FBXO41: variants seen among roughly 807,000 people sequenced by gnomAD.
FBXO41 encodes the protein F-box only protein 41.
In FBXO41, 33 loss-of-function variants were observed where a neutral mutation model predicts 81.6. That is an observed-to-expected ratio of 0.40 (90% CI 0.31 to 0.54). The LOEUF is 0.54. FBXO41 is among the 20% of genes least tolerant of loss of function. The pLI, the probability that FBXO41 is intolerant of heterozygous loss-of-function variation, is 0.39. For missense variants in FBXO41, 1,107 were observed against 1,236.0 expected (o/e 0.90, Z 1.56); for synonymous variants, 576 against 552.7 (o/e 1.04, Z -0.59).
At chr2:73,265,848 A>G (rs1188522798) in intron 4 of FBXO41, 45 bp downstream of exon 4, 1 of 1,549,110 alleles carries the variant, frequency 6.5e-7, no homozygotes, top group Admixed American at 1.9e-5. Context: ...GGATCCTTCC[A>G]GGGTGAGGGT....
Position 73,255,439 on chromosome 2 carries a change from T to C in FBXO41, c.*3543A>G, listed in dbSNP as rs1687770514. On this transcript the variant is annotated 3_prime_UTR_variant, in exon 13 of 13. Transcript: ENST00000520530. ...CAGAAATGCAGGCCGGGCACAAGGC[T>C]GGGTGAGAAAGCATGGCCACTGGGT... is the stretch of plus-strand genomic sequence containing the variant. The C allele has an allele frequency of 3.3e-5, 5 of 152,900 alleles. No individual in the cohort carries two copies. 9.5% of individuals were successfully genotyped at this position (152,900 alleles called of 1,614,324 possible).
chr2:73,263,624 G>C, intron 8 of FBXO41, 54 bp downstream of exon 8: 4 of 1,601,608 alleles, frequency 2.5e-6, no homozygotes, highest in Non-Finnish European at 3.4e-6. Flanking sequence ...CTAGGGATCC[G>C]GTAGGACCCT....
chr2:73,260,506 C>T lies in FBXO41; in HGVS notation c.2332G>A (p.Val778Met), dbSNP rs773407794. The change falls in exon 11 of 13, where the codon GTG (valine) becomes ATG (methionine). Residue 778 changes from valine (V) to methionine (M), a missense_variant. Physicochemically the swap from Val to Met is conservative, Grantham distance 21. Transcript: ENST00000520530. This position sits in a 1 kb window ranked among gnomAD's most constrained non-coding sequence, Gnocchi z 5.0. ...GCCACCTCCTGGGTGATCTCTGACACGTGGTCAAGCTCCAGGACCTGCAGC... is the reference window on the plus strand; with the variant it reads ...GCCACCTCCTGGGTGATCTCTGACATGTGGTCAAGCTCCAGGACCTGCAGC... ...MRLQVLELDH[V>M]SEITQEVAAE... 3.1e-6 allele frequency: 5 copies of T among 1,601,248 alleles called. 1 individual carries two copies. Among genetic ancestry groups the T allele is most frequent in the South Asian group, 2.3e-5 (2 of 88,578 alleles).
At chr2:73,275,868 C>T (rs1003641064) in intron 1 of FBXO41, among the ~76,000 whole-genome samples, 1 of 150,162 alleles carries the variant, frequency 6.7e-6, no homozygotes, top group Non-Finnish European at 1.5e-5. Context: ...CTCACTGCAA[C>T]CTCCACGCCC....
intron 1 of FBXO41, among the ~76,000 whole-genome samples, chr2:73,283,936 G>C (rs1482131231): frequency 6.6e-6 from 1 of 152,140 alleles, no homozygotes; most frequent in Non-Finnish European, 1.5e-5. Flanking sequence ...AGGCGAGAGG[G>C]GGGAGGGGAA....
Position 73,265,928 on chromosome 2 carries a change from A to T in FBXO41, c.1170T>A (p.Tyr390Ter). The T allele has an allele frequency of 6.3e-7, 1 of 1,588,328 alleles. No homozygotes were observed. Among genetic ancestry groups the T allele is most frequent in the Non-Finnish European group, 8.6e-7 (1 of 1,167,190 alleles). The change falls in exon 4 of 13, where the codon TAT (tyrosine) becomes TAA (stop). Residue 390 changes from tyrosine to a stop codon, truncating the protein, a stop_gained. Coordinates refer to ENST00000520530, the MANE Select transcript of FBXO41 (RefSeq NM_001371389.2). LOFTEE classifies it high-confidence loss of function. ...HHVGPAVPNT[Y>*]AVSRHGSSPS... ...GAGAGGAGCCATGCCGTGACACTGC[A>T]TATGTGTTAGGCACGGCCGGGCCCA...
intron 1 of FBXO41, among the ~76,000 whole-genome samples, chr2:73,276,591 AGAGAGAGAGAGAGG>A (rs1452098249): frequency 8.0e-5 from 11 of 137,956 alleles, no homozygotes; most frequent in African/African-American, 3.5e-4. Flanking sequence ...AGAGAGAGAG[AGAGAGAGAGAGAGG>A]GAGAGAGGGA....
Position 73,263,935 on chromosome 2 carries a change from C to A in FBXO41, c.1922+3G>T, listed in dbSNP as rs777042033. On this transcript the variant is annotated splice_donor_region_variant and intron_variant, in intron 7 of 12. Transcript: ENST00000520530. ...CCCACCACCCACCCATCGCAGGCCT[C>A]ACCGGGTGCTCCGGGCATACTCCTC... is the stretch of plus-strand genomic sequence containing the variant. The A allele has an allele frequency of 6.2e-7, 1 of 1,612,048 alleles. No individual in the cohort carries two copies. Among genetic ancestry groups the A allele is most frequent in the Non-Finnish European group, 8.5e-7 (1 of 1,178,980 alleles).
intron 1 of FBXO41, chr2:73,273,201 T>C (rs182613736): frequency 1.3e-4 from 20 of 152,314 alleles, no homozygotes; most frequent in Admixed American, 2.0e-4. Flanking sequence ...AGATGTTGAA[T>C]TGGGGATAGA....
At position 73,257,976 on chromosome 2, in the gene FBXO41, C is replaced by T. The variant is rs936569863; in HGVS notation, c.*1006G>A. On this transcript the variant is annotated 3_prime_UTR_variant, in exon 13 of 13. Transcript: ENST00000520530. This position sits in a 1 kb window ranked among gnomAD's most constrained non-coding sequence, Gnocchi z 4.6. ...TAGACAAGGAAGCAAAGCAAGCCAC[C>T]CTCCTCCTGGCTTCCTCCACGGCCT... 1 of 152,382 alleles carries T rather than the reference C, an allele frequency of 6.6e-6. No homozygotes were observed. Among genetic ancestry groups the T allele is most frequent in the Non-Finnish European group, 1.5e-5 (1 of 68,178 alleles). The allele number at this position is 152,382 out of a possible 1,614,324, so 9.4% of individuals were successfully genotyped here.
In FBXO41 at chr2:73,258,940, C is replaced by T. The variant is rs780991069; in HGVS notation, c.*42G>A. The stretch of plus-strand genomic sequence containing the variant: ...CCCTCTGAGGTCCAAAGAGAGTGCC[C>T]TGGTGTGGGGCTGGCAGGGGCCCTG... On this transcript the variant is annotated 3_prime_UTR_variant, in exon 13 of 13. Coordinates refer to ENST00000520530, the MANE Select transcript of FBXO41 (RefSeq NM_001371389.2). 4 of 1,539,632 alleles carry T rather than the reference C, an allele frequency of 2.6e-6. No homozygotes were observed. In the East Asian group the frequency reaches 7.3e-5, roughly 28 times the overall value.
intron 1 of FBXO41, chr2:73,271,187 T>C (rs1364127505): frequency 3.0e-6 from 1 of 332,270 alleles, no homozygotes; most frequent in African/African-American, 2.2e-5. Context: ...TTGTGTTGCC[T>C]TCTGGCATTT....
chr2:73,280,134 C>T (rs1228206877), intron 1 of FBXO41, among the ~76,000 whole-genome samples: 1 of 151,972 alleles, frequency 6.6e-6, no homozygotes, highest in African/African-American at 2.4e-5. Flanking sequence ...CCCCTCAACC[C>T]CAAAACGCCA....
chr2:73,283,999 C>T (rs1373004342), intron 1 of FBXO41, among the ~76,000 whole-genome samples, 161 bp downstream of exon 1: 2 of 152,248 alleles, frequency 1.3e-5, no homozygotes, highest in African/African-American at 4.8e-5. Context: ...CCCTTCCCTG[C>T]CTCTGGTCTG....
intron 1 of FBXO41, among the ~76,000 whole-genome samples, chr2:73,276,080 C>G (rs2103907395): frequency 6.6e-6 from 1 of 151,556 alleles, no homozygotes; most frequent in South Asian, 2.1e-4. Context: ...GCCACCACAC[C>G]TGGCCAAGAT....
At chr2:73,267,020 T>C (rs1373887066) in intron 2 of FBXO41, among the ~76,000 whole-genome samples, 3 of 152,116 alleles carry the variant, frequency 2.0e-5, no homozygotes, top group African/African-American at 4.8e-5. Context: ...CACACACATG[T>C]ACCCCATGTA....
intron 1 of FBXO41, among the ~76,000 whole-genome samples, chr2:73,274,030 CT>C (rs1160520185): frequency 1.3e-5 from 2 of 152,182 alleles, no homozygotes; most frequent in African/African-American, 4.8e-5. Context: ...ATGCTTTGTA[CT>C]CTTCCAGGCC....
chr2:73,265,595 A>G lies in FBXO41; in HGVS notation c.1251T>C (p.Tyr417=). 6.5e-7 allele frequency: 1 copy of G among 1,535,592 alleles called. No individual in the cohort carries two copies. The highest frequency in any genetic ancestry group is 8.7e-7 in the Non-Finnish European group (1 of 1,143,426). The stretch of plus-strand genomic sequence containing the variant: ...TGGGCAGCTCCAGACTGTCACTGTC[A>G]TAGCAGCCTGAGCTCTGGGATGCGG... The part of the protein sequence containing the change: ...VPAASQSSGC[Y]DSDSLELPRP... The change falls in exon 5 of 13, where the codon TAT becomes TAC. Residue 417 remains tyrosine (Y), a synonymous_variant. Transcript: ENST00000520530.
chr2:73,258,713 C>T lies in FBXO41; in HGVS notation c.*269G>A. 2 of 439,572 alleles carry T rather than the reference C, an allele frequency of 4.5e-6. No individual in the cohort carries two copies. The highest frequency in any genetic ancestry group is 8.0e-6 in the Non-Finnish European group (2 of 248,818). 27.2% of individuals were successfully genotyped at this position (439,572 alleles called of 1,614,324 possible). Reference sequence around the variant, plus strand: ...AGGCGCTGGTGGTGACAGCTCCTCACTGGCTGTGCCAGAGGCTACTCCAGC... The same window carrying T: ...AGGCGCTGGTGGTGACAGCTCCTCATTGGCTGTGCCAGAGGCTACTCCAGC... On this transcript the variant is annotated 3_prime_UTR_variant, in exon 13 of 13. Coordinates refer to ENST00000520530, the MANE Select transcript of FBXO41 (RefSeq NM_001371389.2).
Sources: allele counts gnomAD v4.1 joint callset (sites outside exome capture counted in the v4.1 genomes callset), GRCh38; gene constraint gnomAD v4.1.1; non-coding constraint Gnocchi (gnomAD v3.1); transcripts MANE v1.5; gene names NCBI Gene and HGNC (gene_info 2026-07-23, HGNC 2026-07-21).